DPP10: variants seen among roughly 807,000 people sequenced by gnomAD.
DPP10 encodes inactive dipeptidyl peptidase 10.
Under a neutral mutation model 120.9 loss-of-function variants are expected in DPP10, and 33 were observed. That is an observed-to-expected ratio of 0.27 (90% CI 0.21 to 0.37). The LOEUF is 0.37. DPP10 is among the 10% of genes least tolerant of loss of function. The pLI is 1.00. For missense variants in DPP10, 816 were observed against 942.8 expected (o/e 0.87, Z 1.76); for synonymous variants, 337 against 326.1 (o/e 1.03, Z -0.36).
intron 7 of DPP10, among the ~76,000 whole-genome samples, chr2:115,715,105 C>T (rs1458062094): frequency 2.7e-5 from 4 of 150,180 alleles, no homozygotes; most frequent in South Asian, 4.2e-4. Flanking sequence ...TTTGGGAGGC[C>T]GAGGGAGGCG....
chr2:115,682,248 A>T (rs1004342008), intron 5 of DPP10, among the ~76,000 whole-genome samples: 29 of 151,968 alleles, frequency 1.9e-4, no homozygotes, highest in Non-Finnish European at 1.5e-5. Context: ...TCAAATGATG[A>T]TAAGTAGAAA....
chr2:115,047,851 C>T (rs907059919), intron 1 of DPP10, among the ~76,000 whole-genome samples: 14 of 152,062 alleles, frequency 9.2e-5, no homozygotes, highest in African/African-American at 3.1e-4. Context: ...TTTGAAACTG[C>T]TTTTCACCTG....
chr2:115,052,020 A>C (rs1705525793), intron 1 of DPP10, among the ~76,000 whole-genome samples: 1 of 152,194 alleles, frequency 6.6e-6, no homozygotes, highest in South Asian at 2.1e-4. Context: ...TTCAGAAATA[A>C]ATCCTAGTAC....
chr2:115,408,518 T>C (rs2104556161), intron 3 of DPP10, among the ~76,000 whole-genome samples: 1 of 152,288 alleles, frequency 6.6e-6, no homozygotes, highest in East Asian at 1.9e-4. Flanking sequence ...CTGTAAAATA[T>C]ACATTACTTT....
chr2:115,226,582 T>A (rs1405142332), intron 1 of DPP10, among the ~76,000 whole-genome samples: 1 of 152,190 alleles, frequency 6.6e-6, no homozygotes, highest in Non-Finnish European at 1.5e-5. Context: ...TGAACTGTAA[T>A]GTCATATTGT....
At chr2:115,639,366 G>T (rs1037348039) in intron 5 of DPP10, among the ~76,000 whole-genome samples, 1 of 152,138 alleles carries the variant, frequency 6.6e-6, no homozygotes, top group Non-Finnish European at 1.5e-5. Context: ...TTAGAAGCTG[G>T]CAATTTCCTT....
At chr2:115,581,188 C>G (rs1217529567) in intron 5 of DPP10, among the ~76,000 whole-genome samples, 1 of 152,218 alleles carries the variant, frequency 6.6e-6, no homozygotes. Flanking sequence ...CTTAATGGCT[C>G]TGATTTTTGT....
At chr2:115,037,879 T>C (rs1202282976) in intron 1 of DPP10, among the ~76,000 whole-genome samples, 1 of 152,190 alleles carries the variant, frequency 6.6e-6, no homozygotes, top group Non-Finnish European at 1.5e-5. Flanking sequence ...TCTATATGAT[T>C]TCTGGAGCCA....
intron 4 of DPP10, among the ~76,000 whole-genome samples, chr2:115,518,505 T>G (rs1346696405): frequency 6.6e-6 from 1 of 151,846 alleles, no homozygotes; most frequent in Non-Finnish European, 1.5e-5. Flanking sequence ...GTAAAAAAAG[T>G]TTTTTTACTT....
chr2:115,583,514 C>A (rs1297952056), intron 5 of DPP10, among the ~76,000 whole-genome samples: 1 of 152,102 alleles, frequency 6.6e-6, no homozygotes, highest in Non-Finnish European at 1.5e-5. Flanking sequence ...CCTGGGTTCA[C>A]CGGGGACTGT....
intron 1 of DPP10, among the ~76,000 whole-genome samples, chr2:114,867,223 A>C (rs1690311675): frequency 6.6e-6 from 1 of 152,118 alleles, no homozygotes; most frequent in Non-Finnish European, 1.5e-5. Context: ...CAGAACTTTT[A>C]GCTCACTCCT....
At chr2:114,740,554 C>G (rs1385353196) in intron 1 of DPP10, among the ~76,000 whole-genome samples, 2 of 151,988 alleles carry the variant, frequency 1.3e-5, no homozygotes, top group Non-Finnish European at 2.9e-5. Context: ...TATTCTTGCT[C>G]CCTAGATATT....
chr2:115,577,896 A>G (rs2081775582), intron 5 of DPP10, among the ~76,000 whole-genome samples: 1 of 152,302 alleles, frequency 6.6e-6, no homozygotes, highest in South Asian at 2.1e-4. Flanking sequence ...ATGCAGTCAC[A>G]TTCTGAAAAA....
intron 1 of DPP10, among the ~76,000 whole-genome samples, chr2:115,000,708 A>G (rs1701384585): frequency 6.6e-6 from 1 of 152,126 alleles, no homozygotes; most frequent in Non-Finnish European, 1.5e-5. Flanking sequence ...GCGCTATAAA[A>G]CAGTATCTTT....
chr2:115,030,987 TG>T (rs1703801205), intron 1 of DPP10, among the ~76,000 whole-genome samples: 1 of 152,134 alleles, frequency 6.6e-6, no homozygotes. Context: ...CACACAATTC[TG>T]GGAATTTCAT....
intron 1 of DPP10, among the ~76,000 whole-genome samples, chr2:115,018,648 A>G (rs1032222111): frequency 2.6e-5 from 4 of 152,104 alleles, no homozygotes; most frequent in African/African-American, 4.8e-5. Context: ...ACTCATAAGT[A>G]GGAGCTGAAC....
chr2:114,786,644 TAGG>T (rs1260193409), intron 1 of DPP10, among the ~76,000 whole-genome samples: 1 of 152,206 alleles, frequency 6.6e-6, no homozygotes, highest in Non-Finnish European at 1.5e-5. Flanking sequence ...AATGTCTCAT[TAGG>T]AGCTCATCCA....
At chr2:115,090,567 T>C (rs1709162224) in intron 1 of DPP10, among the ~76,000 whole-genome samples, 1 of 152,202 alleles carries the variant, frequency 6.6e-6, no homozygotes, top group Admixed American at 6.5e-5. Context: ...CTTAGGGGCA[T>C]TGCTCTGTTT....
rs1491508534 is a variant in DPP10 at position 114,923,471 on chromosome 2, CCT to C, written c.61-385767_61-385766del. Among the ~76,000 whole-genome samples, 404 of 84,584 alleles carry C rather than the reference CCT, an allele frequency of 4.8e-3. 6 individuals are homozygous for C. The highest frequency in any genetic ancestry group is 0.02 in the African/African-American group (395 of 20,028). 55.5% of individuals were successfully genotyped at this position (84,584 alleles called of 152,430 possible). A position where few individuals can be genotyped will look rare whatever the true frequency, so the allele number is the denominator to read the frequency against. On this transcript the variant is annotated intron_variant, in intron 1 of 25. Coordinates refer to ENST00000410059, the MANE Select transcript of DPP10 (RefSeq NM_020868.6). ...TGAGCCACCACGCTTGGCCTTTTTTCCTTTTTTTTTTTTTTTTTTTTTTTTTT... is the reference window on the plus strand; with the variant it reads ...TGAGCCACCACGCTTGGCCTTTTTTCTTTTTTTTTTTTTTTTTTTTTTTTT...
Sources: gnomAD v4.1 joint callset for allele counts (sites outside exome capture counted in the v4.1 genomes callset) on GRCh38, gnomAD v4.1.1 for gene constraint, MANE v1.5 for transcripts, NCBI Gene and HGNC (gene_info 2026-07-23, HGNC 2026-07-21) for gene names.